Variants in PLPPR1 observed in about 807,000 individuals in gnomAD.
The protein encoded by PLPPR1 is phospholipid phosphatase related 1, also known as phospholipid phosphatase-related protein type 1.
In PLPPR1, 10 loss-of-function variants were observed where a neutral mutation model predicts 33.1. The ratio of observed to expected loss-of-function variants is 0.30; its 90% confidence interval spans 0.19 to 0.51. PLPPR1 has a LOEUF of 0.51. Among genes scored for constraint, PLPPR1 ranks in the 20% least tolerant of loss-of-function variants. The pLI is 0.97. For missense variants in PLPPR1, 304 were observed against 408.1 expected, an observed-to-expected ratio of 0.74 and a Z score of 2.20; for synonymous variants, 151 against 151.0, an observed-to-expected ratio of 1.00 and a Z score of 0.00.
At chr9:101,241,821 G>A (rs543053833) in intron 2 of PLPPR1, among the ~76,000 whole-genome samples, 64 of 152,158 alleles carry the variant, frequency 4.2e-4, no homozygotes, top group African/African-American at 1.4e-3. Context: ...ACGGTTTATC[G>A]TTACCAAATC....
At chr9:101,074,564 C>A (rs1830514382) in intron 1 of PLPPR1, among the ~76,000 whole-genome samples, 1 of 152,086 alleles carries the variant, frequency 6.6e-6, no homozygotes, top group South Asian at 2.1e-4. Context: ...CAGTGCAAGG[C>A]ATAGGAGAAA....
chr9:101,310,537 T>C (rs1438374076), intron 5 of PLPPR1, among the ~76,000 whole-genome samples: 1 of 152,210 alleles, frequency 6.6e-6, no homozygotes, highest in Admixed American at 6.5e-5. Flanking sequence ...TGAGTGTAAT[T>C]GCAGGAGGCA....
At chr9:101,113,039 T>C (rs1831075593) in intron 1 of PLPPR1, among the ~76,000 whole-genome samples, 1 of 152,220 alleles carries the variant, frequency 6.6e-6, no homozygotes, top group African/African-American at 2.4e-5. Context: ...AAGATGCTTC[T>C]AATTATCTAT....
chr9:101,185,226 C>T (rs1826184960), intron 1 of PLPPR1: 1 of 382,228 alleles, frequency 2.6e-6, no homozygotes, highest in African/African-American at 2.1e-5. Flanking sequence ...GGCTCCTGAC[C>T]TGGTCATTTT....
intron 2 of PLPPR1, among the ~76,000 whole-genome samples, chr9:101,256,322 G>T (rs865943270): frequency 8.5e-5 from 13 of 152,232 alleles, no homozygotes; most frequent in African/African-American, 3.1e-4. Flanking sequence ...TCATAGAATG[G>T]TGTGATCACA....
chr9:101,305,180 A>G (rs1828834322), intron 4 of PLPPR1, among the ~76,000 whole-genome samples: 1 of 152,010 alleles, frequency 6.6e-6, no homozygotes, highest in African/African-American at 2.4e-5. Flanking sequence ...TCTGAGGAGA[A>G]GCTTGAGTTT....
At chr9:101,156,583 AAAG>A (rs1240586461) in intron 1 of PLPPR1, among the ~76,000 whole-genome samples, 1 of 150,624 alleles carries the variant, frequency 6.6e-6, no homozygotes, top group African/African-American at 2.4e-5. Flanking sequence ...AGAAAGAAAG[AAAG>A]AAAAAAAAGA....
chr9:101,242,858 T>C (rs562426513), intron 2 of PLPPR1, among the ~76,000 whole-genome samples: 3 of 152,164 alleles, frequency 2.0e-5, no homozygotes, highest in Non-Finnish European at 2.9e-5. Flanking sequence ...GCTCACAGTT[T>C]AATGGTGAGC....
intron 4 of PLPPR1, among the ~76,000 whole-genome samples, chr9:101,302,041 T>A (rs954477370): frequency 6.6e-6 from 1 of 152,218 alleles, no homozygotes; most frequent in African/African-American, 2.4e-5. Context: ...TGATTAAGAA[T>A]ATAGCCTCTG....
intron 2 of PLPPR1, among the ~76,000 whole-genome samples, chr9:101,216,355 C>T (rs1354801496): frequency 6.6e-6 from 1 of 151,890 alleles, no homozygotes; most frequent in Non-Finnish European, 1.5e-5. Context: ...TGATCTTTTG[C>T]CCATTTTGAT....
chr9:101,279,010 C>A (rs538812087), intron 3 of PLPPR1, among the ~76,000 whole-genome samples: 3 of 152,286 alleles, frequency 2.0e-5, no homozygotes, highest in African/African-American at 7.2e-5. Context: ...ATGTGTATAT[C>A]TCAATACGCA....
chr9:101,152,050 C>T (rs1831595419), intron 1 of PLPPR1, among the ~76,000 whole-genome samples: 2 of 152,224 alleles, frequency 1.3e-5, no homozygotes, highest in African/African-American at 4.8e-5. Context: ...CACATCCTCT[C>T]CAGCACCTGT....
At chr9:101,296,107 A>G (rs1181073898) in intron 4 of PLPPR1, among the ~76,000 whole-genome samples, 1 of 152,116 alleles carries the variant, frequency 6.6e-6, no homozygotes, top group Non-Finnish European at 1.5e-5. Flanking sequence ...AATTTACAAG[A>G]AAAAAACAAC....
At position 101,228,620 on chromosome 9, in the gene PLPPR1, A is replaced by T. The variant is rs977625743; in HGVS notation, c.64-41260A>T. The stretch of plus-strand genomic sequence containing the variant: ...AACTTAATAAATTTAAACAAAAGAA[A>T]AAAACTGGACAGAGGTTGATAGTAA... On this transcript the variant is annotated intron_variant, in intron 2 of 7. Transcript: ENST00000374874. 4.6e-5 allele frequency among the ~76,000 whole-genome samples: 7 copies of T among 152,322 alleles called. No individual in the cohort carries two copies. In the East Asian group the frequency reaches 1.4e-3, roughly 29 times the overall value.
At chr9:101,149,216 T>C (rs1027064803) in intron 1 of PLPPR1, among the ~76,000 whole-genome samples, 3 of 152,200 alleles carry the variant, frequency 2.0e-5, no homozygotes, top group Non-Finnish European at 4.4e-5. Context: ...ACCATAAAAC[T>C]CTATACATTA....
chr9:101,085,551 A>G (rs1209341152), intron 1 of PLPPR1, among the ~76,000 whole-genome samples: 1 of 152,162 alleles, frequency 6.6e-6, no homozygotes, highest in Non-Finnish European at 1.5e-5. Context: ...AGAAACAAAC[A>G]TTGGGGCCAA....
At chr9:101,314,591 A>G (rs1564036009) in intron 6 of PLPPR1, among the ~76,000 whole-genome samples, 1 of 151,430 alleles carries the variant, frequency 6.6e-6, no homozygotes, top group Non-Finnish European at 1.5e-5. Context: ...AGTGTGCAAT[A>G]GCATTATGTC....
intron 1 of PLPPR1, among the ~76,000 whole-genome samples, chr9:101,093,680 T>G (rs1055755047): frequency 6.6e-6 from 1 of 152,210 alleles, no homozygotes; most frequent in African/African-American, 2.4e-5. Context: ...CACTACTACA[T>G]AGCAGCCACT....
intron 2 of PLPPR1, among the ~76,000 whole-genome samples, chr9:101,193,979 A>G (rs1801389075): frequency 6.6e-6 from 1 of 152,190 alleles, no homozygotes; most frequent in Non-Finnish European, 1.5e-5. Flanking sequence ...GAAATGTTGA[A>G]ATATGAGACT....
Sources: allele counts gnomAD v4.1 joint callset (sites outside exome capture counted in the v4.1 genomes callset), GRCh38; gene constraint gnomAD v4.1.1; transcripts MANE v1.5; gene names NCBI Gene and HGNC (gene_info 2026-07-23, HGNC 2026-07-21).